C12orf76: variants seen among roughly 807,000 people sequenced by gnomAD.
The protein encoded by C12orf76 is uncharacterized protein C12orf76.
C12orf76 carries 6 observed loss-of-function variants against 6.8 expected under a neutral mutation model. That is an observed-to-expected ratio of 0.88 (90% CI 0.48 to 1.73). C12orf76 has a LOEUF of 1.73. Among genes scored for constraint, C12orf76 ranks in the 40% most tolerant of loss-of-function variants. C12orf76 has a pLI of 0.01. For synonymous variants in C12orf76, 56 were observed against 43.7 expected (o/e 1.28, Z -1.11); for missense variants, 99 against 98.2 (o/e 1.01, Z -0.03).
At chr12:110,048,312 C>A in intron 1 of C12orf76, 51 bp downstream of exon 1, 1 of 1,450,290 alleles carries the variant, frequency 6.9e-7, no homozygotes, top group South Asian at 1.4e-5. Context: ...GCACCCGGAG[C>A]AGTGAAAGCT....
At chr12:110,067,672 G>A (rs904210967) in exon 1 of C12orf76, 2 of 622,790 alleles carry the variant, frequency 3.2e-6, no homozygotes, top group Non-Finnish European at 4.0e-6. Context: ...CACTGCACCC[G>A]GCCGGCTCAG....
intron 2 of C12orf76, among the ~76,000 whole-genome samples, chr12:110,061,818 G>A (rs1892777081): frequency 6.6e-6 from 1 of 151,900 alleles, no homozygotes; most frequent in Non-Finnish European, 1.5e-5. Context: ...TTACAGGTGT[G>A]AGCCACCACT....
At position 110,042,028 on chromosome 12, in the gene C12orf76, T is replaced by G. The variant is rs1223248135; in HGVS notation, c.*346A>C. 1 of 261,658 alleles carries G rather than the reference T, an allele frequency of 3.8e-6. No individual in the cohort carries two copies. The highest frequency in any genetic ancestry group is 7.3e-6 in the Non-Finnish European group (1 of 136,172). The allele number at this position is 261,658 out of a possible 1,614,324, so 16.2% of individuals were successfully genotyped here. On this transcript the variant is annotated 3_prime_UTR_variant, in exon 2 of 2. Transcript: ENST00000615315. ...TAATAACATTTTCAAGCATTAATGA[T>G]GAGTTCTTTACAGTGTGGTTCTTAC...
chr12:110,069,456 C>CA (rs990518775), upstream of C12orf76, among the ~76,000 whole-genome samples: 2 of 152,074 alleles, frequency 1.3e-5, no homozygotes, highest in East Asian at 3.9e-4. Context: ...AACAAACAAA[C>CA]AAAAAAACCC....
chr12:110,064,732 G>C (rs912356294), intron 2 of C12orf76, among the ~76,000 whole-genome samples: 1 of 151,928 alleles, frequency 6.6e-6, no homozygotes, highest in African/African-American at 2.4e-5. Context: ...TCGCCTTCTC[G>C]GCCACTGTAC....
intron 1 of C12orf76, 64 bp downstream of exon 1, chr12:110,048,299 C>A: frequency 7.0e-7 from 1 of 1,435,524 alleles, no homozygotes; most frequent in Non-Finnish European, 9.1e-7. Flanking sequence ...ATGCCCGGCT[C>A]CAGCACCCGG....
Position 110,057,116 on chromosome 12 carries a change from G to A in C12orf76, n.664+73C>T. On this transcript the variant is annotated intron_variant and non_coding_transcript_variant, in intron 4 of 4. Transcript: ENST00000309050. The stretch of plus-strand genomic sequence containing the variant: ...CTGGACTCACCAGATGGAGACGAAG[G>A]TGTCCACCATAAAGTTGTTCTTCAG... The A allele has an allele frequency of 4.0e-6, 4 of 1,002,500 alleles. No individual in the cohort carries two copies. The South Asian group carries it at 5.3e-5, about 13-fold the overall frequency. 62.1% of individuals were successfully genotyped at this position (1,002,500 alleles called of 1,614,324 possible).
At chr12:110,059,171 A>G in intron 2 of C12orf76, 2 of 1,439,670 alleles carry the variant, frequency 1.4e-6, no homozygotes, top group Non-Finnish European at 9.3e-7. Flanking sequence ...TTGCTGGTGT[A>G]AAAAAAAATG....
chr12:110,068,262 G>A (rs7312502), upstream of C12orf76, among the ~76,000 whole-genome samples: 4,331 of 98,994 alleles, frequency 0.044, 147 homozygotes, highest in Middle Eastern at 0.069. Flanking sequence ...AGAAGAAGAA[G>A]AAGAAGAAGA....
At chr12:110,066,833 C>T (rs1892875188) in intron 1 of C12orf76, among the ~76,000 whole-genome samples, 1 of 152,200 alleles carries the variant, frequency 6.6e-6, no homozygotes, top group South Asian at 2.1e-4. Context: ...GTGTGGCCAC[C>T]CACTGGGAAA....
At chr12:110,062,788 ATTTTTTTTTTTT>A (rs71079597) in intron 2 of C12orf76, among the ~76,000 whole-genome samples, 1 of 63,360 alleles carries the variant, frequency 1.6e-5, no homozygotes, top group Non-Finnish European at 2.8e-5. Context: ...CCCAGCTAAT[ATTTTTTTTTTTT>A]TTTTTTTTTT....
intron 2 of C12orf76, among the ~76,000 whole-genome samples, chr12:110,062,779 C>T (rs1398306039): frequency 1.4e-5 from 2 of 146,838 alleles, no homozygotes; most frequent in Admixed American, 6.9e-5. Flanking sequence ...ACCACCATGC[C>T]CAGCTAATAT....
chr12:110,055,596 T>C (rs556984340), intron 4 of C12orf76, among the ~76,000 whole-genome samples: 15 of 152,062 alleles, frequency 9.9e-5, no homozygotes, highest in Non-Finnish European at 2.2e-4. Flanking sequence ...GACAGGGGAA[T>C]TGCAATAGAA....
intron 1 of C12orf76, among the ~76,000 whole-genome samples, chr12:110,043,496 G>C (rs1468558436): frequency 6.6e-6 from 1 of 152,114 alleles, no homozygotes; most frequent in African/African-American, 2.4e-5. Context: ...ATTCAATAAA[G>C]TATTTCAGTC....
chr12:110,073,445 G>A (rs533294753), exon 1 of C12orf76: 201 of 523,372 alleles, frequency 3.8e-4, no homozygotes, highest in Non-Finnish European at 5.8e-4. Context: ...AGACGATCAC[G>A]TGGAAGAACT....
Position 110,054,475 on chromosome 12 carries a change from C to A in C12orf76, n.664+2714G>T, listed in dbSNP as rs58304491. Among the ~76,000 whole-genome samples, 1,375 of 152,240 alleles carry A rather than the reference C, an allele frequency of 9.0e-3. 31 individuals carry two copies. Among genetic ancestry groups the A allele is most frequent in the African/African-American group, 0.032 (1,320 of 41,526 alleles). On this transcript the variant is annotated intron_variant and non_coding_transcript_variant, in intron 4 of 4. Coordinates refer to the C12orf76 transcript ENST00000309050. This position sits in a 1 kb window ranked among gnomAD's most constrained non-coding sequence, Gnocchi z 4.4. ...AAAGGCCACACATATTGATTGACTC[C>A]ATTTATATGAAATACCCAGAATAGG... is the stretch of plus-strand genomic sequence containing the variant.
upstream of C12orf76, among the ~76,000 whole-genome samples, chr12:110,072,360 G>A (rs966798528): frequency 3.3e-5 from 5 of 152,084 alleles, no homozygotes; most frequent in African/African-American, 7.2e-5. Context: ...CAGCCACAAA[G>A]GACCACATAT....
rs1892446325 is a variant in C12orf76 at position 110,046,263 on chromosome 12, T to A, written c.133+2100A>T. 2.0e-5 allele frequency among the ~76,000 whole-genome samples: 3 copies of A among 152,154 alleles called. No homozygotes were observed. In the South Asian group the frequency reaches 6.2e-4, roughly 32 times the overall value. On this transcript the variant is annotated intron_variant, in intron 1 of 1. Coordinates refer to ENST00000615315, the MANE Select transcript of C12orf76 (RefSeq NM_001389625.1). ...CAACATGGTGAAACCCCATCTCTAC[T>A]AAAAATACAAAAATTACCTGGGCGT... is the stretch of plus-strand genomic sequence containing the variant.
chr12:110,056,242 G>A (rs896144999), intron 4 of C12orf76, among the ~76,000 whole-genome samples: 1 of 152,148 alleles, frequency 6.6e-6, no homozygotes. Context: ...ATACTATCCC[G>A]ACCTTGCTTG....
Sources: allele counts gnomAD v4.1 joint callset (sites outside exome capture counted in the v4.1 genomes callset), GRCh38; gene constraint gnomAD v4.1.1; non-coding constraint Gnocchi (gnomAD v3.1); transcripts MANE v1.5; gene names NCBI Gene and HGNC (gene_info 2026-07-23, HGNC 2026-07-21).